MRPS31: variants seen among roughly 807,000 people sequenced by gnomAD.
MRPS31 encodes the protein small ribosomal subunit protein mS31.
A neutral mutation model predicts 43.1 loss-of-function variants in MRPS31; 32 were observed. That is an observed-to-expected ratio of 0.74 (90% confidence interval 0.56 to 1.00). The LOEUF (loss-of-function observed/expected upper bound fraction) is 1.00, where lower values mean the gene tolerates loss of function less well. Among genes scored for constraint, MRPS31 ranks in the 50% least tolerant of loss-of-function variants. The pLI is 0.00. For missense variants in MRPS31, 437 were observed against 466.7 expected (o/e 0.94, Z 0.59); for synonymous variants, 165 against 161.6 (o/e 1.02, Z -0.16).
chr13:40,754,544 TA>T (rs1314839375), intron 4 of MRPS31, among the ~76,000 whole-genome samples: 19 of 152,232 alleles, frequency 1.2e-4, no homozygotes, highest in Admixed American at 1.2e-3. Context: ...TTCCCTTTCA[TA>T]AGGCAATCAT....
At chr13:40,734,162 C>T (rs1376866709) in intron 6 of MRPS31, among the ~76,000 whole-genome samples, 11 of 151,974 alleles carry the variant, frequency 7.2e-5, no homozygotes, top group East Asian at 1.9e-4. Flanking sequence ...AAACTATTTC[C>T]AATCTTGATT....
chr13:40,742,834 A>T (rs1470699406), intron 6 of MRPS31, among the ~76,000 whole-genome samples: 1 of 152,216 alleles, frequency 6.6e-6, no homozygotes, highest in East Asian at 1.9e-4. Flanking sequence ...ATCAAAAATT[A>T]GCCTTAGACT....
At chr13:40,734,519 A>T (rs1353298648) in intron 6 of MRPS31, among the ~76,000 whole-genome samples, 2 of 152,240 alleles carry the variant, frequency 1.3e-5, no homozygotes, top group Non-Finnish European at 2.9e-5. Flanking sequence ...TCAAGGAAAA[A>T]CAAAGCAAAT....
At chr13:40,750,863 T>C (rs1880371311) in intron 5 of MRPS31, among the ~76,000 whole-genome samples, 1 of 151,464 alleles carries the variant, frequency 6.6e-6, no homozygotes, top group Non-Finnish European at 1.5e-5. Flanking sequence ...CAAATATCCT[T>C]GTAGTTACAC....
chr13:40,746,819 C>T (rs1880251457), intron 6 of MRPS31, among the ~76,000 whole-genome samples: 1 of 152,102 alleles, frequency 6.6e-6, no homozygotes, highest in South Asian at 2.1e-4. Context: ...GAAGCAAACC[C>T]CTTCACAATG....
chr13:40,767,879 G>C (rs190922862), intron 1 of MRPS31, among the ~76,000 whole-genome samples: 100 of 152,296 alleles, frequency 6.6e-4, no homozygotes, highest in African/African-American at 2.2e-3. Flanking sequence ...AAAACTTTCT[G>C]AGTGGGTGTT....
chr13:40,733,158 C>A (rs1190159257), intron 6 of MRPS31, among the ~76,000 whole-genome samples: 1 of 152,016 alleles, frequency 6.6e-6, no homozygotes, highest in Non-Finnish European at 1.5e-5. Context: ...CACTCACCAC[C>A]ATGCCCAGCT....
intron 5 of MRPS31, among the ~76,000 whole-genome samples, chr13:40,753,430 A>G (rs1273273105): frequency 6.6e-6 from 1 of 152,246 alleles, no homozygotes; most frequent in Non-Finnish European, 1.5e-5. Context: ...GGTAATCGGT[A>G]GTACTTACCT....
At chr13:40,769,770 G>T (rs1355832029) in intron 1 of MRPS31, among the ~76,000 whole-genome samples, 1 of 151,800 alleles carries the variant, frequency 6.6e-6, no homozygotes, top group African/African-American at 2.4e-5. Flanking sequence ...TTTCTTTCAA[G>T]ACTGCTATCA....
At chr13:40,743,905 G>A (rs1215805312) in intron 6 of MRPS31, among the ~76,000 whole-genome samples, 1 of 152,162 alleles carries the variant, frequency 6.6e-6, no homozygotes, top group Non-Finnish European at 1.5e-5. Context: ...GCATATGTAT[G>A]TTCATTGCAG....
chr13:40,760,248 G>A (rs1880658309), intron 2 of MRPS31, among the ~76,000 whole-genome samples: 1 of 151,882 alleles, frequency 6.6e-6, no homozygotes, highest in South Asian at 2.1e-4. Flanking sequence ...CAGGACTGAT[G>A]GCTACTGACT....
At chr13:40,737,330 A>G (rs1879944705) in intron 6 of MRPS31, among the ~76,000 whole-genome samples, 1 of 152,106 alleles carries the variant, frequency 6.6e-6, no homozygotes, top group Non-Finnish European at 1.5e-5. Flanking sequence ...ACACATTAAT[A>G]ATGGGAGACT....
At chr13:40,756,799 C>A in intron 4 of MRPS31, 74 bp downstream of exon 4, 1 of 1,506,478 alleles carries the variant, frequency 6.6e-7, no homozygotes, top group South Asian at 1.2e-5. Flanking sequence ...CACACACACA[C>A]AATAAGGTAA....
chr13:40,758,875 T>G, intron 3 of MRPS31, 73 bp downstream of exon 3: 1 of 1,343,774 alleles, frequency 7.4e-7, no homozygotes, highest in South Asian at 1.9e-5. Flanking sequence ...TTATGTGTAT[T>G]ACTCACTAGC....
In MRPS31 at chr13:40,751,481, C is replaced by A. The variant is rs556279522; in HGVS notation, c.815-2200G>T. Among the ~76,000 whole-genome samples the A allele has an allele frequency of 3.3e-5, 5 of 152,234 alleles. No homozygotes were observed. In the South Asian group the frequency reaches 1.0e-3, roughly 32 times the overall value. The stretch of plus-strand genomic sequence containing the variant: ...TGAATTTGAATCCAGTTCTACACAA[C>A]ACCAACACTCTTTCTGTTAAGCTAT... On this transcript the variant is annotated intron_variant, in intron 5 of 6. Transcript: ENST00000323563.
At chr13:40,770,861 C>T in intron 1 of MRPS31, 124 bp downstream of exon 1, 1 of 1,305,124 alleles carries the variant, frequency 7.7e-7, no homozygotes, top group Non-Finnish European at 1.1e-6. Context: ...GTCATCTTTT[C>T]TTTCTGGGAT....
chr13:40,746,198 T>C (rs1269847632), intron 6 of MRPS31, among the ~76,000 whole-genome samples: 1 of 152,162 alleles, frequency 6.6e-6, no homozygotes, highest in African/African-American at 2.4e-5. Context: ...AGAATCCAAA[T>C]AAATCTTCAT....
At chr13:40,739,428 G>GA (rs1274263474) in intron 6 of MRPS31, among the ~76,000 whole-genome samples, 3 of 151,964 alleles carry the variant, frequency 2.0e-5, no homozygotes, top group African/African-American at 7.3e-5. Flanking sequence ...CACAGAATTG[G>GA]AAAAAAATAC....
chr13:40,746,479 G>A (rs1056866224), intron 6 of MRPS31, among the ~76,000 whole-genome samples: 8 of 152,202 alleles, frequency 5.3e-5, no homozygotes, highest in African/African-American at 1.4e-4. Context: ...TCAATAATAT[G>A]CAGTGTCATG....
Sources: gnomAD v4.1 joint callset for allele counts (sites outside exome capture counted in the v4.1 genomes callset) on GRCh38, gnomAD v4.1.1 for gene constraint, MANE v1.5 for transcripts, NCBI Gene and HGNC (gene_info 2026-07-23, HGNC 2026-07-21) for gene names.